MRPS27: variants seen among roughly 807,000 people sequenced by gnomAD.
The protein encoded by MRPS27 is mitochondrial ribosomal protein S27.
Under a neutral mutation model 48.9 loss-of-function variants are expected in MRPS27, and 43 were observed. The ratio of observed to expected loss-of-function variants is 0.88; its 90% CI spans 0.69 to 1.13. The LOEUF (loss-of-function observed/expected upper bound fraction) is 1.13. Ranked by LOEUF, MRPS27 falls within the 50% of genes most tolerant of loss-of-function variation. The probability of loss-of-function intolerance (pLI) is 0.00; values close to 1 mark genes in which losing one functional copy is unlikely to be tolerated. For synonymous variants in MRPS27, 188 were observed against 171.9 expected, an observed-to-expected ratio of 1.09 and a Z score of -0.73; for missense variants, 467 against 476.3, an observed-to-expected ratio of 0.98 and a Z score of 0.18.
chr5:72,299,954 G>C (rs1048863903), intron 2 of MRPS27, among the ~76,000 whole-genome samples: 1 of 152,136 alleles, frequency 6.6e-6, no homozygotes, highest in Non-Finnish European at 1.5e-5. Flanking sequence ...CCTCCATTCT[G>C]TTACAAAGGT....
chr5:72,232,358 C>A, intron 7 of MRPS27, 85 bp downstream of exon 7: 1 of 923,992 alleles, frequency 1.1e-6, no homozygotes, highest in South Asian at 1.7e-5. Flanking sequence ...CACAGAGCTG[C>A]AGACACCTTT....
At chr5:72,271,868 C>T (rs1410037885) in intron 4 of MRPS27, among the ~76,000 whole-genome samples, 3 of 152,158 alleles carry the variant, frequency 2.0e-5, no homozygotes, top group Non-Finnish European at 2.9e-5. Flanking sequence ...TGCTGATATC[C>T]AGCATCTGTT....
intron 2 of MRPS27, among the ~76,000 whole-genome samples, chr5:72,312,695 A>T (rs1241585057): frequency 6.8e-6 from 1 of 147,166 alleles, no homozygotes; most frequent in Non-Finnish European, 1.5e-5. Flanking sequence ...ATCTCGGCTC[A>T]CTGCAACCTC....
At chr5:72,225,535 T>A (rs1462021650) in intron 9 of MRPS27, among the ~76,000 whole-genome samples, 3 of 151,888 alleles carry the variant, frequency 2.0e-5, no homozygotes, top group Non-Finnish European at 4.4e-5. Context: ...GGTGGGAGAG[T>A]AGTGTTCTCG....
chr5:72,280,433 T>G (rs1259661113), intron 4 of MRPS27, among the ~76,000 whole-genome samples: 4 of 152,214 alleles, frequency 2.6e-5, no homozygotes, highest in Admixed American at 6.5e-5. Context: ...AATATGTAAT[T>G]ACTTTTTCCA....
chr5:72,300,137 C>T (rs967411615), intron 2 of MRPS27, among the ~76,000 whole-genome samples: 1 of 152,268 alleles, frequency 6.6e-6, no homozygotes, highest in African/African-American at 2.4e-5. Context: ...CCAATAACCA[C>T]TGCCACATTG....
chr5:72,295,966 T>G (rs138763630), intron 3 of MRPS27, among the ~76,000 whole-genome samples: 4 of 152,150 alleles, frequency 2.6e-5, no homozygotes, highest in Admixed American at 6.5e-5. Flanking sequence ...TGGGAACATA[T>G]GGCTGAAAAA....
intron 4 of MRPS27, among the ~76,000 whole-genome samples, chr5:72,286,004 C>T (rs571610001): frequency 2.0e-5 from 3 of 152,286 alleles, no homozygotes; most frequent in Admixed American, 2.0e-4. Context: ...ATCTCAAATC[C>T]TGTTAGGGCA....
chr5:72,227,008 CACAA>C (rs1474761525), intron 8 of MRPS27: 1 of 152,226 alleles, frequency 6.6e-6, no homozygotes, highest in African/African-American at 2.4e-5. Context: ...CAGAGTAGGA[CACAA>C]ACAGACAAAG....
chr5:72,315,992 T>G (rs113311270), intron 1 of MRPS27, among the ~76,000 whole-genome samples: 3 of 152,228 alleles, frequency 2.0e-5, no homozygotes, highest in African/African-American at 7.2e-5. Context: ...CATCAATTGA[T>G]GAATAAACAA....
rs568477620 is a variant in MRPS27 at position 72,276,206 on chromosome 5, C to A, written c.281+19325G>T. Among the ~76,000 whole-genome samples, 171 of 152,242 alleles carry A rather than the reference C, an allele frequency of 1.1e-3. 1 individual carries two copies. Among genetic ancestry groups the A allele is most frequent in the African/African-American group, 4.1e-3 (171 of 41,532 alleles). ...TAACCCAAACAGCATAGTACTGGTACAAAAACAGACACATAGACCAATGGA... is the reference window on the plus strand; with the variant it reads ...TAACCCAAACAGCATAGTACTGGTAAAAAAACAGACACATAGACCAATGGA... On this transcript the variant is annotated intron_variant, in intron 4 of 10. Coordinates refer to ENST00000261413, the MANE Select transcript of MRPS27 (RefSeq NM_015084.3).
intron 4 of MRPS27, among the ~76,000 whole-genome samples, chr5:72,273,686 T>A (rs1435073951): frequency 6.6e-6 from 1 of 152,204 alleles, no homozygotes; most frequent in Non-Finnish European, 1.5e-5. Context: ...ATGGTACATC[T>A]ATATAGGGCA....
intron 4 of MRPS27, among the ~76,000 whole-genome samples, chr5:72,269,623 A>G (rs549201300): frequency 1.1e-4 from 17 of 152,260 alleles, no homozygotes; most frequent in Non-Finnish European, 1.8e-4. Context: ...AAATAAAGAT[A>G]GCATATTATA....
intron 9 of MRPS27, 26 bp from the exon 10 acceptor site, chr5:72,223,876 A>G: frequency 6.2e-7 from 1 of 1,607,534 alleles, no homozygotes; most frequent in Non-Finnish European, 8.5e-7. Context: ...AGGGTCAGCA[A>G]CCAAATGTTT....
rs1012488057 is a variant in MRPS27 at position 72,226,155 on chromosome 5, T to G, written c.739A>C (p.Met247Leu). The change falls in exon 9 of 11, where the codon ATG (methionine) becomes CTG (leucine). Residue 247 changes from methionine (M) to leucine (L), a missense_variant. By Grantham distance (15) the Met-to-Leu change is conservative (BLOSUM62 2). Coordinates refer to ENST00000261413, the MANE Select transcript of MRPS27 (RefSeq NM_015084.3). ...QQGLRAVYHN[M>L]PLIWKPGYLD... ...TAGCCTGGTTTCCATATCAGAGGCA[T>G]GTTGTGGTACACAGCCCGTAGCCCT... is the stretch of plus-strand genomic sequence containing the variant. 1.2e-6 allele frequency: 2 copies of G among 1,613,748 alleles called. No individual in the cohort carries two copies. The highest frequency in any genetic ancestry group is 1.3e-5 in the African/African-American group (1 of 74,878).
chr5:72,293,253 T>TA (rs1749879260), intron 4 of MRPS27, among the ~76,000 whole-genome samples: 1 of 150,578 alleles, frequency 6.6e-6, no homozygotes, highest in African/African-American at 2.5e-5. Context: ...CCTAGTCTCA[T>TA]ATATATACAA....
intron 7 of MRPS27, among the ~76,000 whole-genome samples, chr5:72,231,187 A>T (rs1381349417): frequency 6.6e-6 from 1 of 151,830 alleles, no homozygotes; most frequent in Non-Finnish European, 1.5e-5. Flanking sequence ...CGTCCTCCCT[A>T]CCATTTTCTG....
chr5:72,317,192 T>C (rs954683274), intron 1 of MRPS27, among the ~76,000 whole-genome samples: 1 of 152,050 alleles, frequency 6.6e-6, no homozygotes, highest in Non-Finnish European at 1.5e-5. Context: ...AATAAACAAA[T>C]ACAAACACAT....
chr5:72,302,470 T>C (rs191937993), intron 2 of MRPS27, among the ~76,000 whole-genome samples: 3 of 152,366 alleles, frequency 2.0e-5, no homozygotes, highest in East Asian at 1.9e-4. Flanking sequence ...AAAGAAGTCT[T>C]AGATGTTGCT....
Sources: allele counts gnomAD v4.1 joint callset (sites outside exome capture counted in the v4.1 genomes callset), GRCh38; gene constraint gnomAD v4.1.1; transcripts MANE v1.5; gene names NCBI Gene and HGNC (gene_info 2026-07-23, HGNC 2026-07-21).